Variants in CSMD1 observed in about 807,000 individuals in gnomAD.
CSMD1 encodes the protein CUB and Sushi multiple domains 1.
A neutral mutation model predicts 417.5 loss-of-function variants in CSMD1; 213 were observed. That is an observed-to-expected ratio of 0.51 (90% CI 0.46 to 0.57). CSMD1 has a LOEUF of 0.57. Ranked by LOEUF, CSMD1 falls within the 20% of genes least tolerant of loss-of-function variation. The pLI, the probability that CSMD1 is intolerant of heterozygous loss-of-function variation, is 0.00. For synonymous variants in CSMD1, 2,862 were observed against 1,736.8 expected (o/e 1.65, Z -16.11); for missense variants, 6,923 against 4,529.7 (o/e 1.53, Z -15.17).
At chr8:3,815,599 T>TA (rs1489569053) in intron 5 of CSMD1, among the ~76,000 whole-genome samples, 2 of 149,328 alleles carry the variant, frequency 1.3e-5, no homozygotes, top group African/African-American at 4.9e-5. Flanking sequence ...TAATATGACT[T>TA]AAAAATGTCT....
chr8:3,608,290 G>T (rs1021192317), intron 8 of CSMD1, among the ~76,000 whole-genome samples: 1 of 152,110 alleles, frequency 6.6e-6, no homozygotes, highest in Non-Finnish European at 1.5e-5. Context: ...AATCAGGGCT[G>T]TGGCCACATG....
intron 3 of CSMD1, among the ~76,000 whole-genome samples, chr8:4,417,635 T>A (rs1446166280): frequency 6.6e-6 from 1 of 152,026 alleles, no homozygotes; most frequent in African/African-American, 2.4e-5. Context: ...TCATACCAAT[T>A]ACTTGGTGGG....
intron 1 of CSMD1, among the ~76,000 whole-genome samples, chr8:4,758,349 C>T (rs556509898): frequency 6.6e-5 from 10 of 152,270 alleles, no homozygotes; most frequent in African/African-American, 2.4e-4. Flanking sequence ...TTAGAATTTG[C>T]CTCTATGTAT....
chr8:3,412,421 A>T (rs773330729), intron 12 of CSMD1, among the ~76,000 whole-genome samples: 1 of 152,150 alleles, frequency 6.6e-6, no homozygotes, highest in Non-Finnish European at 1.5e-5. Context: ...GCTGTGAGGG[A>T]TATAGAAACG....
At chr8:4,563,867 G>C (rs1397829321) in intron 2 of CSMD1, among the ~76,000 whole-genome samples, 1 of 152,132 alleles carries the variant, frequency 6.6e-6, no homozygotes, top group East Asian at 1.9e-4. Context: ...AAGACTTGGA[G>C]TTGCGAAGTA....
At chr8:4,390,139 T>G (rs1803743831) in intron 3 of CSMD1, among the ~76,000 whole-genome samples, 1 of 152,238 alleles carries the variant, frequency 6.6e-6, no homozygotes, top group African/African-American at 2.4e-5. Flanking sequence ...AATTGGACTT[T>G]AATTCATTGT....
intron 54 of CSMD1, among the ~76,000 whole-genome samples, chr8:2,987,881 A>G (rs950276800): frequency 2.0e-5 from 3 of 152,164 alleles, no homozygotes; most frequent in Non-Finnish European, 4.4e-5. Flanking sequence ...GTTAAGTCAC[A>G]TCACTGCAAT....
intron 7 of CSMD1, among the ~76,000 whole-genome samples, chr8:3,632,552 GCTT>G (rs1323770359): frequency 6.6e-6 from 1 of 152,094 alleles, no homozygotes; most frequent in Non-Finnish European, 1.5e-5. Flanking sequence ...GGGATGTCTG[GCTT>G]CTTTTTTAAA....
intron 1 of CSMD1, among the ~76,000 whole-genome samples, chr8:4,924,722 CAA>C (rs60827201): frequency 3.2e-5 from 2 of 62,548 alleles, no homozygotes; most frequent in African/African-American, 6.6e-5. Context: ...AACTCCATCT[CAA>C]AAAAAAAAAA....
chr8:3,831,657 C>G (rs1173286578), intron 5 of CSMD1, among the ~76,000 whole-genome samples: 2 of 152,062 alleles, frequency 1.3e-5, no homozygotes, highest in Non-Finnish European at 2.9e-5. Context: ...GAATCTATGA[C>G]AAATTAAAAT....
chr8:3,860,249 G>C (rs1015648881), intron 5 of CSMD1, among the ~76,000 whole-genome samples: 2 of 152,110 alleles, frequency 1.3e-5, no homozygotes, highest in African/African-American at 4.8e-5. Context: ...CTCTGTTTCA[G>C]TCAGACCATT....
chr8:4,147,879 G>A (rs116660241), intron 3 of CSMD1, among the ~76,000 whole-genome samples: 216 of 152,208 alleles, frequency 1.4e-3, no homozygotes, highest in African/African-American at 5.0e-3. Flanking sequence ...CATGGAATCA[G>A]GGGCTGCATG....
chr8:4,671,132 C>A (rs1210304972), intron 1 of CSMD1, among the ~76,000 whole-genome samples: 2 of 152,194 alleles, frequency 1.3e-5, no homozygotes, highest in Non-Finnish European at 2.9e-5. Flanking sequence ...ACTCAGTATT[C>A]TCTCTTCAAA....
intron 22 of CSMD1, among the ~76,000 whole-genome samples, chr8:3,345,246 C>A (rs1024087771): frequency 2.6e-5 from 4 of 152,164 alleles, no homozygotes; most frequent in Non-Finnish European, 4.4e-5. Context: ...CCGTGGATCC[C>A]TGAGAGATTG....
chr8:3,932,436 T>G lies in CSMD1; in HGVS notation c.818+65467A>C, dbSNP rs150412528. ...TGACATTTCTCATGGTATTTCACTC[T>G]CATAACCCAGCCTCAGCACGGTAAT... On this transcript the variant is annotated intron_variant, in intron 5 of 69. Coordinates refer to ENST00000635120, the MANE Select transcript of CSMD1 (RefSeq NM_033225.6). 4.7e-5 allele frequency among the ~76,000 whole-genome samples: 7 copies of G among 150,508 alleles called. No individual in the cohort carries two copies. In the East Asian group the frequency reaches 9.8e-4, roughly 21 times the overall value.
chr8:3,003,279 T>C (rs1298311350), intron 52 of CSMD1, among the ~76,000 whole-genome samples: 1 of 152,214 alleles, frequency 6.6e-6, no homozygotes, highest in Non-Finnish European at 1.5e-5. Context: ...AAATTTAAGA[T>C]TCTATTAGTC....
chr8:4,406,935 T>G (rs1805066929), intron 3 of CSMD1, among the ~76,000 whole-genome samples: 1 of 152,192 alleles, frequency 6.6e-6, no homozygotes, highest in Non-Finnish European at 1.5e-5. Context: ...AAGACCAAGC[T>G]GACTTAAAAG....
Position 3,508,278 on chromosome 8 carries a change from C to T in CSMD1, c.1345-14552G>A, listed in dbSNP as rs534259276. 1.8e-4 allele frequency among the ~76,000 whole-genome samples: 28 copies of T among 151,632 alleles called. No homozygotes were observed. In the East Asian group the frequency reaches 4.3e-3, roughly 23 times the overall value. On this transcript the variant is annotated intron_variant, in intron 10 of 69. Transcript: ENST00000635120. ...AGATGATGCAAGACATAGATCCTGG[C>T]TCACCTGCGCCCCCTCCCCCAGGGC...
At chr8:3,469,424 A>G (rs188373599) in intron 11 of CSMD1, among the ~76,000 whole-genome samples, 220 of 152,284 alleles carry the variant, frequency 1.4e-3, no homozygotes, top group African/African-American at 5.1e-3. Context: ...CATTTATTGA[A>G]CACTCCCCCC....
Sources: gnomAD v4.1 joint callset for allele counts (sites outside exome capture counted in the v4.1 genomes callset) on GRCh38, gnomAD v4.1.1 for gene constraint, MANE v1.5 for transcripts, NCBI Gene and HGNC (gene_info 2026-07-23, HGNC 2026-07-21) for gene names.